The following TMCC1 variants were observed in gnomAD, a reference collection of about 807,000 sequenced individuals.
TMCC1 encodes the protein transmembrane and coiled-coil domain family 1.
A neutral mutation model predicts 52.4 loss-of-function variants in TMCC1; 15 were observed. That is an observed-to-expected ratio of 0.29 (90% confidence interval 0.19 to 0.44). The LOEUF is 0.44. TMCC1 is among the 20% of genes least tolerant of loss of function. The pLI, the probability that TMCC1 is intolerant of heterozygous loss-of-function variation, is 1.00. For synonymous variants in TMCC1, 279 were observed against 301.9 expected, an observed-to-expected ratio of 0.92 and a Z score of 0.79; for missense variants, 503 against 806.0, an observed-to-expected ratio of 0.62 and a Z score of 4.55.
chr3:129,847,262 T>C lies in TMCC1; in HGVS notation c.-183-14436A>G, dbSNP rs973286105. On this transcript the variant is annotated intron_variant, in intron 2 of 6. Coordinates refer to ENST00000393238, the MANE Select transcript of TMCC1 (RefSeq NM_001017395.5). ...GTGAGTTACATTAAAGTCAGAAATA[T>C]GGTCAAGTTAGAGTGTCCAGTGAAG... 4 of 152,308 alleles carry C rather than the reference T, an allele frequency of 2.6e-5. No individual in the cohort carries two copies. The East Asian group carries it at 7.7e-4, about 29-fold the overall frequency. The allele number at this position is 152,308 out of a possible 1,614,324, so 9.4% of individuals were successfully genotyped here. A position where few individuals can be genotyped will look rare whatever the true frequency, so the allele number is the denominator to read the frequency against.
intron 2 of TMCC1, among the ~76,000 whole-genome samples, chr3:129,845,103 A>G (rs1181790914): frequency 6.6e-6 from 1 of 151,896 alleles, no homozygotes; most frequent in Admixed American, 6.6e-5. Flanking sequence ...GAGGAGGATC[A>G]CTAGATCCCA....
intron 2 of TMCC1, among the ~76,000 whole-genome samples, chr3:129,842,204 C>T (rs1020147302): frequency 5.3e-5 from 8 of 152,098 alleles, no homozygotes; most frequent in African/African-American, 1.7e-4. Flanking sequence ...AGTGGCTCAC[C>T]GTGGTAATCT....
At chr3:129,892,170 T>G (rs2061997779) in intron 1 of TMCC1, among the ~76,000 whole-genome samples, 1 of 152,236 alleles carries the variant, frequency 6.6e-6, no homozygotes, top group Non-Finnish European at 1.5e-5. Context: ...TAATGAATTT[T>G]TAACGTCTAA....
intron 5 of TMCC1, among the ~76,000 whole-genome samples, chr3:129,670,067 T>C (rs1459627643): frequency 6.6e-6 from 1 of 152,226 alleles, no homozygotes; most frequent in Non-Finnish European, 1.5e-5. Flanking sequence ...CAGGCTGCAA[T>C]GACTGTGTAG....
chr3:129,760,484 G>A (rs1429421122), intron 4 of TMCC1, among the ~76,000 whole-genome samples: 1 of 141,188 alleles, frequency 7.1e-6, no homozygotes, highest in African/African-American at 3.2e-5. Context: ...GTGTGTGTGT[G>A]TGTGTGTGTG....
At chr3:129,683,499 T>C (rs1349164894) in intron 4 of TMCC1, among the ~76,000 whole-genome samples, 1 of 152,266 alleles carries the variant, frequency 6.6e-6, no homozygotes, top group African/African-American at 2.4e-5. Flanking sequence ...GTCTGATCTT[T>C]GACAGACTGT....
At chr3:129,781,725 G>A (rs991223568) in intron 4 of TMCC1, among the ~76,000 whole-genome samples, 30 of 152,134 alleles carry the variant, frequency 2.0e-4, no homozygotes, top group Non-Finnish European at 1.0e-4. Context: ...AGTGAGAAAG[G>A]AAGGCACTGG....
chr3:129,871,116 T>C (rs972857292), intron 2 of TMCC1, among the ~76,000 whole-genome samples: 3 of 152,202 alleles, frequency 2.0e-5, no homozygotes, highest in East Asian at 1.9e-4. Context: ...CCCAGCACTT[T>C]GGAAAGCTGA....
chr3:129,675,991 C>T (rs113948800), intron 4 of TMCC1, among the ~76,000 whole-genome samples: 31 of 146,246 alleles, frequency 2.1e-4, no homozygotes, highest in African/African-American at 7.2e-4. Flanking sequence ...GAGCCGAGAT[C>T]GCGCCACTGC....
Position 129,670,901 on chromosome 3 carries a change from T to C in TMCC1, c.940A>G (p.Ile314Val). Residue 314 changes from isoleucine to valine, a missense_variant, in exon 5 of 7, where the codon ATC becomes GTC. Ile to Val is a conservative substitution (Grantham distance 29). Transcript: ENST00000393238. Reference sequence around the variant, plus strand: ...AAGACATCCTTTGGCTGCCGGGGGATCCCATTCTGCTCTACCTCTCTGAGC... The same window carrying C: ...AAGACATCCTTTGGCTGCCGGGGGACCCCATTCTGCTCTACCTCTCTGAGC... ...RKLREVEQNG[I>V]PRQPKDVFRD... 6.2e-7 allele frequency: 1 copy of C among 1,614,186 alleles called. No homozygotes were observed. The highest frequency in any genetic ancestry group is 8.5e-7 in the Non-Finnish European group (1 of 1,180,038).
intron 4 of TMCC1, among the ~76,000 whole-genome samples, chr3:129,772,722 CAAA>C (rs34785535): frequency 1.3e-4 from 10 of 76,170 alleles, no homozygotes; most frequent in African/African-American, 4.0e-4. Flanking sequence ...GACTCCGCCT[CAAA>C]AAAAAAAAAA....
chr3:129,670,259 C>T (rs2087809096), intron 5 of TMCC1, 71 bp downstream of exon 5: 2 of 1,482,938 alleles, frequency 1.3e-6, no homozygotes, highest in South Asian at 2.6e-5. Flanking sequence ...CTTTTAAAAG[C>T]CATTTCCCCA....
chr3:129,670,020 G>A (rs2087785945), intron 5 of TMCC1, among the ~76,000 whole-genome samples: 1 of 152,192 alleles, frequency 6.6e-6, no homozygotes, highest in Non-Finnish European at 1.5e-5. Flanking sequence ...ACAGTTCTAA[G>A]AATTACAGAT....
At chr3:129,751,312 C>T (rs571148908) in intron 4 of TMCC1, among the ~76,000 whole-genome samples, 7 of 152,202 alleles carry the variant, frequency 4.6e-5, no homozygotes, top group African/African-American at 1.4e-4. Flanking sequence ...GGAGGACCAC[C>T]TGAGGCCAGG....
chr3:129,733,855 A>G (rs2050731435), intron 4 of TMCC1, among the ~76,000 whole-genome samples: 1 of 152,174 alleles, frequency 6.6e-6, no homozygotes, highest in South Asian at 2.1e-4. Flanking sequence ...CACTACACAG[A>G]AAGAAACTGT....
At chr3:129,734,963 C>T (rs1004494854) in intron 4 of TMCC1, among the ~76,000 whole-genome samples, 3 of 149,898 alleles carry the variant, frequency 2.0e-5, no homozygotes, top group Admixed American at 6.7e-5. Flanking sequence ...AGTGCAGTGG[C>T]GTGATCTCGG....
chr3:129,729,254 G>C (rs2050356945), intron 4 of TMCC1, among the ~76,000 whole-genome samples: 1 of 151,804 alleles, frequency 6.6e-6, no homozygotes, highest in Admixed American at 6.6e-5. Context: ...TTTTATTTTA[G>C]TCATTTTAAG....
At chr3:129,809,931 AG>A (rs2057707298) in intron 4 of TMCC1, among the ~76,000 whole-genome samples, 1 of 152,200 alleles carries the variant, frequency 6.6e-6, no homozygotes, top group Non-Finnish European at 1.5e-5. Flanking sequence ...GATTTTATGT[AG>A]AAAAACATTA....
chr3:129,759,710 C>CTTTTTTTTT lies in TMCC1; in HGVS notation c.576+68084_576+68092dup, dbSNP rs61519484. On this transcript the variant is annotated intron_variant, in intron 4 of 6. Coordinates refer to ENST00000393238, the MANE Select transcript of TMCC1 (RefSeq NM_001017395.5). ...GCATGAGCCACTGCAGCCAGCCAAA[C>CTTTTTTTTT]TTTTTTTTTTTTTTTTTTTTTTTTT... Among the ~76,000 whole-genome samples the CTTTTTTTTT allele has an allele frequency of 2.1e-4, 8 of 37,220 alleles. 1 individual carries two copies. The highest frequency in any genetic ancestry group is 8.9e-4 in the African/African-American group (8 of 9,034). 24.4% of individuals were successfully genotyped at this position (37,220 alleles called of 152,430 possible). A position where few individuals can be genotyped will look rare whatever the true frequency, so the allele number is the denominator to read the frequency against.
Sources: allele counts gnomAD v4.1 joint callset (sites outside exome capture counted in the v4.1 genomes callset), GRCh38; gene constraint gnomAD v4.1.1; transcripts MANE v1.5; gene names NCBI Gene and HGNC (gene_info 2026-07-23, HGNC 2026-07-21).